Variants in ELL observed in about 807,000 individuals in gnomAD.
The protein encoded by ELL is elongation factor for RNA polymerase II, also known as RNA polymerase II elongation factor ELL.
In ELL, 18 loss-of-function variants were observed where a neutral mutation model predicts 64.0. The ratio of observed to expected loss-of-function variants is 0.28; its 90% CI spans 0.19 to 0.42. The LOEUF (loss-of-function observed/expected upper bound fraction) is 0.42. ELL is among the 10% of genes least tolerant of loss of function. The pLI, the probability that ELL is intolerant of heterozygous loss-of-function variation, is 1.00. For synonymous variants in ELL, 399 were observed against 376.2 expected (o/e 1.06, Z -0.70); for missense variants, 797 against 870.4 (o/e 0.92, Z 1.06).
chr19:18,518,313 A>C (rs1387556279), intron 1 of ELL, among the ~76,000 whole-genome samples: 1 of 150,106 alleles, frequency 6.7e-6, no homozygotes, highest in Non-Finnish European at 1.5e-5. Context: ...CAGCCTTGGC[A>C]ACATAGTGAG....
At position 18,465,790 on chromosome 19, in the gene ELL, G is replaced by C; in HGVS notation, c.305+7C>G. 7.0e-7 allele frequency: 1 copy of C among 1,418,766 alleles called. No homozygotes were observed. 87.9% of individuals were successfully genotyped at this position (1,418,766 alleles called of 1,614,324 possible). A position where few individuals can be genotyped will look rare whatever the true frequency, so the allele number is the denominator to read the frequency against. On this transcript the variant is annotated splice_region_variant and intron_variant, in intron 3 of 11. Coordinates refer to ENST00000262809, the MANE Select transcript of ELL (RefSeq NM_006532.4). ...GCGGGGTGCTCTGGGGTGGGGCGGCGCCTCACCTGGAGACATACTGCTGGA... is the reference window on the plus strand; with the variant it reads ...GCGGGGTGCTCTGGGGTGGGGCGGCCCCTCACCTGGAGACATACTGCTGGA...
Position 18,444,638 on chromosome 19 carries a change from CGGCGGTGCTGG to C in ELL, c.*103_*113del. 1 of 1,201,924 alleles carries C rather than the reference CGGCGGTGCTGG, an allele frequency of 8.3e-7. No individual in the cohort carries two copies. Among genetic ancestry groups the C allele is most frequent in the East Asian group, 2.5e-5 (1 of 40,648 alleles). 74.5% of individuals were successfully genotyped at this position (1,201,924 alleles called of 1,614,324 possible). Reference sequence around the variant, plus strand: ...CGTCTGCAGGGGCTGCCCTGAAAGCCGGCGGTGCTGGCTCAGATGAGCATCTTCCTCGGGTT... The same window carrying C: ...CGTCTGCAGGGGCTGCCCTGAAAGCCCTCAGATGAGCATCTTCCTCGGGTT... On this transcript the variant is annotated 3_prime_UTR_variant, in exon 12 of 12. Transcript: ENST00000262809.
chr19:18,471,028 C>T (rs915069304), intron 2 of ELL: 10 of 455,282 alleles, frequency 2.2e-5, no homozygotes, highest in Non-Finnish European at 4.0e-5. Context: ...CTGTGCAGAG[C>T]TCTCAGGCTG....
intron 1 of ELL, 78 bp from the exon 2 acceptor site, chr19:18,472,960 C>T: frequency 6.8e-7 from 1 of 1,467,238 alleles, no homozygotes; most frequent in Non-Finnish European, 9.1e-7. Context: ...ACTCCCTCCC[C>T]AGGTATAGAA....
intron 1 of ELL, among the ~76,000 whole-genome samples, chr19:18,511,039 G>A (rs938422598): frequency 8.6e-5 from 13 of 151,528 alleles, no homozygotes; most frequent in African/African-American, 2.2e-4. Context: ...AGGCTGAGGC[G>A]GGCAGATCAT....
chr19:18,459,896 A>G (rs1264883419), intron 5 of ELL, among the ~76,000 whole-genome samples: 2 of 152,204 alleles, frequency 1.3e-5, no homozygotes, highest in Non-Finnish European at 2.9e-5. Context: ...TGTAGCATAA[A>G]CAGACATTAC....
Position 18,510,732 on chromosome 19 carries a change from C to T in ELL, c.135+11189G>A, listed in dbSNP as rs75439007. Among the ~76,000 whole-genome samples the T allele has an allele frequency of 7.9e-3, 1,200 of 152,278 alleles. 15 individuals carry two copies. The highest frequency in any genetic ancestry group is 0.027 in the African/African-American group (1,123 of 41,546). ...ATAACCAGTTCGGGCAAGGACGTGG[C>T]GAAACCACAACCCTTGTGCACGGCT... is the stretch of plus-strand genomic sequence containing the variant. On this transcript the variant is annotated intron_variant, in intron 1 of 11. Transcript: ENST00000262809.
At chr19:18,500,033 G>A (rs1027508949) in intron 1 of ELL, among the ~76,000 whole-genome samples, 24 of 152,318 alleles carry the variant, frequency 1.6e-4, no homozygotes, top group Admixed American at 1.2e-3. Flanking sequence ...AAGCCGAGGC[G>A]AGCAGATCAC....
intron 6 of ELL, among the ~76,000 whole-genome samples, chr19:18,453,518 A>T (rs1377046028): frequency 2.0e-5 from 3 of 152,146 alleles, no homozygotes; most frequent in Non-Finnish European, 2.9e-5. Flanking sequence ...AACCCACCAA[A>T]CAAAAAACAA....
chr19:18,468,245 A>C (rs1033259857), intron 2 of ELL, among the ~76,000 whole-genome samples: 19 of 132,676 alleles, frequency 1.4e-4, no homozygotes, highest in Admixed American at 1.3e-3. Flanking sequence ...CACACACACA[A>C]ACACAATCCA....
intron 1 of ELL, among the ~76,000 whole-genome samples, chr19:18,513,844 T>C (rs1018137724): frequency 1.3e-5 from 2 of 151,910 alleles, no homozygotes; most frequent in Non-Finnish European, 2.9e-5. Flanking sequence ...GGCAGGAGAA[T>C]GGCATGAACC....
intron 1 of ELL, among the ~76,000 whole-genome samples, chr19:18,497,139 T>C (rs1975671747): frequency 6.6e-6 from 1 of 152,336 alleles, no homozygotes. Flanking sequence ...AAACAAGATG[T>C]CCTTCAGTAG....
chr19:18,445,149 C>T, intron 11 of ELL, 75 bp downstream of exon 11: 1 of 1,580,722 alleles, frequency 6.3e-7, no homozygotes, highest in South Asian at 1.1e-5. Flanking sequence ...GGCAGGGAGG[C>T]TGCCCCGGGC....
chr19:18,461,816 G>A lies in ELL; in HGVS notation c.506C>T (p.Ala169Val). 6.2e-7 allele frequency: 1 copy of A among 1,613,782 alleles called. No individual in the cohort carries two copies. The highest frequency in any genetic ancestry group is 8.5e-7 in the Non-Finnish European group (1 of 1,179,738). Residue 169 changes from alanine to valine, a missense_variant, in exon 5 of 12, where the codon GCA (alanine) becomes GTA (valine). By Grantham distance (64) the Ala-to-Val change is moderately conservative. Coordinates refer to ENST00000262809, the MANE Select transcript of ELL (RefSeq NM_006532.4). ...CTTCCGGGAGGGCACCGCGTCTGTT[G>A]CACCTGGGGCTGGTTTCCGAAACTG... Reference protein sequence around the residue: ...KVQFRKPAPGATDAVPSRKRA... With the variant: ...KVQFRKPAPGVTDAVPSRKRA...
chr19:18,509,593 G>GCGCGCACACA (rs1438642062), intron 1 of ELL, among the ~76,000 whole-genome samples: 2 of 83,240 alleles, frequency 2.4e-5, no homozygotes, highest in South Asian at 4.7e-4. Context: ...GCGCGCGCGC[G>GCGCGCACACA]CACATACACA....
chr19:18,454,840 CAAAA>C lies in ELL; in HGVS notation c.870-3196_870-3193del, dbSNP rs563546343. 2.5e-4 allele frequency among the ~76,000 whole-genome samples: 14 copies of C among 56,506 alleles called. 1 individual carries two copies. The highest frequency in any genetic ancestry group is 2.2e-3 in the Admixed American group (10 of 4,584). 37.1% of individuals were successfully genotyped at this position (56,506 alleles called of 152,430 possible). On this transcript the variant is annotated intron_variant, in intron 6 of 11. Coordinates refer to ENST00000262809, the MANE Select transcript of ELL (RefSeq NM_006532.4). ...TGGGCAACAGAGTGAGACTCAGTCTCAAAAAAAAAAAAAAAAAAGGCATCCTGGC... is the reference window on the plus strand; with the variant it reads ...TGGGCAACAGAGTGAGACTCAGTCTCAAAAAAAAAAAAAAGGCATCCTGGC...
intron 1 of ELL, among the ~76,000 whole-genome samples, chr19:18,475,223 T>A (rs894979545): frequency 1.3e-5 from 2 of 152,044 alleles, no homozygotes; most frequent in African/African-American, 2.4e-5. Context: ...CCATTACTCA[T>A]CAAGGAAATG....
chr19:18,446,209 G>A (rs1974410125), intron 10 of ELL, 100 bp downstream of exon 10: 1 of 1,012,240 alleles, frequency 9.9e-7, no homozygotes, highest in Admixed American at 3.1e-5. Context: ...GGAAGGGCCA[G>A]ACTCTGGGGC....
At chr19:18,486,209 G>C (rs1220994760) in intron 1 of ELL, among the ~76,000 whole-genome samples, 2 of 152,148 alleles carry the variant, frequency 1.3e-5, no homozygotes, top group African/African-American at 4.8e-5. Context: ...GGAATCTGGG[G>C]AGGGGCTTCT....
Sources: allele counts gnomAD v4.1 joint callset (sites outside exome capture counted in the v4.1 genomes callset), GRCh38; gene constraint gnomAD v4.1.1; transcripts MANE v1.5; gene names NCBI Gene and HGNC (gene_info 2026-07-23, HGNC 2026-07-21).